Variants in GMDS observed in about 807,000 individuals in gnomAD.
The protein encoded by GMDS is GDP-mannose 4,6 dehydratase.
Under a neutral mutation model 49.9 loss-of-function variants are expected in GMDS, and 20 were observed. That is an observed-to-expected ratio of 0.40 (90% confidence interval 0.28 to 0.58). GMDS has a LOEUF of 0.58. Among genes scored for constraint, GMDS ranks in the 20% least tolerant of loss-of-function variants. The pLI is 0.42. For synonymous variants in GMDS, 177 were observed against 178.6 expected (o/e 0.99, Z 0.07); for missense variants, 362 against 481.4 (o/e 0.75, Z 2.32).
At chr6:1,999,942 AATATATAATATGTATAT>A (rs1366410965) in intron 4 of GMDS, among the ~76,000 whole-genome samples, 1 of 52,394 alleles carries the variant, frequency 1.9e-5, no homozygotes, top group African/African-American at 6.4e-5. Context: ...TATTATATAT[AATATATAATATGTATAT>A]TATATATATA....
At chr6:2,009,336 CTA>C (rs1767403696) in intron 4 of GMDS, among the ~76,000 whole-genome samples, 1 of 152,172 alleles carries the variant, frequency 6.6e-6, no homozygotes. Context: ...AAATCCCATA[CTA>C]CATCTATGAT....
intron 4 of GMDS, among the ~76,000 whole-genome samples, chr6:1,993,309 T>C (rs961597986): frequency 1.3e-5 from 2 of 152,216 alleles, no homozygotes; most frequent in Non-Finnish European, 2.9e-5. Context: ...ATCCTTCTTT[T>C]TAATCCCTCA....
At chr6:1,829,875 C>A (rs1771280413) in intron 7 of GMDS, among the ~76,000 whole-genome samples, 1 of 152,292 alleles carries the variant, frequency 6.6e-6, no homozygotes, top group East Asian at 1.9e-4. Context: ...TCAAGAATCA[C>A]CCTCTGTGTG....
intron 4 of GMDS, among the ~76,000 whole-genome samples, chr6:1,985,835 T>C (rs1162142427): frequency 1.3e-5 from 2 of 152,156 alleles, no homozygotes; most frequent in African/African-American, 2.4e-5. Context: ...AAAACCGAGA[T>C]CTTCAAGAAC....
At chr6:1,775,233 TACA>T (rs1246408938) in intron 7 of GMDS, among the ~76,000 whole-genome samples, 1 of 152,172 alleles carries the variant, frequency 6.6e-6, no homozygotes, top group South Asian at 2.1e-4. Context: ...TCTTTACTCA[TACA>T]ACATCTTCCT....
At chr6:2,059,390 T>C (rs1770985985) in intron 4 of GMDS, among the ~76,000 whole-genome samples, 7 of 151,834 alleles carry the variant, frequency 4.6e-5, no homozygotes, top group Admixed American at 4.6e-4. Flanking sequence ...TTTAGAAAAT[T>C]ATTCACTTAT....
intron 1 of GMDS, among the ~76,000 whole-genome samples, chr6:2,181,736 CAT>C (rs1402616814): frequency 6.6e-6 from 1 of 152,128 alleles, no homozygotes; most frequent in Non-Finnish European, 1.5e-5. Flanking sequence ...CGGAAAATGT[CAT>C]GTGTGTTCTG....
At chr6:1,848,352 T>G (rs1270973393) in intron 7 of GMDS, among the ~76,000 whole-genome samples, 4 of 152,152 alleles carry the variant, frequency 2.6e-5, no homozygotes, top group Admixed American at 2.0e-4. Flanking sequence ...TTATCCTTCA[T>G]GCTCAGCTCA....
intron 4 of GMDS, among the ~76,000 whole-genome samples, chr6:2,099,800 C>T (rs1345028822): frequency 6.6e-6 from 1 of 151,936 alleles, no homozygotes; most frequent in Non-Finnish European, 1.5e-5. Context: ...TTGAGAAAAA[C>T]CATTATATGC....
intron 1 of GMDS, among the ~76,000 whole-genome samples, chr6:2,174,289 G>A (rs929785225): frequency 2.0e-5 from 3 of 152,184 alleles, no homozygotes; most frequent in Non-Finnish European, 4.4e-5. Flanking sequence ...AAGGATAAGA[G>A]AATGTTTGAA....
chr6:1,964,334 C>T (rs923242560), intron 4 of GMDS, among the ~76,000 whole-genome samples: 3 of 152,106 alleles, frequency 2.0e-5, no homozygotes, highest in Non-Finnish European at 4.4e-5. Flanking sequence ...TATAGACATG[C>T]CGCCTAAACA....
chr6:2,058,711 C>T (rs9501792), intron 4 of GMDS, among the ~76,000 whole-genome samples: 4,319 of 152,256 alleles, frequency 0.028, 205 homozygotes, highest in African/African-American at 0.097. Flanking sequence ...GGAGTCAAGA[C>T]AGAAGAATCT....
At chr6:1,646,039 T>C (rs990930455) in intron 9 of GMDS, among the ~76,000 whole-genome samples, 2 of 152,220 alleles carry the variant, frequency 1.3e-5, no homozygotes, top group African/African-American at 4.8e-5. Context: ...TCAAGGGATG[T>C]TTAAAACTGA....
At chr6:2,115,708 A>G in intron 4 of GMDS, 63 bp downstream of exon 4, 1 of 841,426 alleles carries the variant, frequency 1.2e-6, no homozygotes, top group Non-Finnish European at 2.1e-6. Context: ...GAAGCAGCAG[A>G]CACAAGTAAA....
At chr6:2,039,074 G>C (rs1483024284) in intron 4 of GMDS, among the ~76,000 whole-genome samples, 1 of 152,174 alleles carries the variant, frequency 6.6e-6, no homozygotes, top group African/African-American at 2.4e-5. Context: ...CTGTATGGTA[G>C]AGCCTATTGC....
At chr6:1,980,561 G>A (rs1765167093) in intron 4 of GMDS, among the ~76,000 whole-genome samples, 1 of 152,094 alleles carries the variant, frequency 6.6e-6, no homozygotes, top group African/African-American at 2.4e-5. Context: ...CAAGTTCTTA[G>A]AGACCTTCAA....
intron 7 of GMDS, among the ~76,000 whole-genome samples, chr6:1,837,884 G>T (rs1283929424): frequency 1.3e-5 from 2 of 152,122 alleles, no homozygotes; most frequent in African/African-American, 2.4e-5. Flanking sequence ...GGCCTCACAG[G>T]GAGCAGACAG....
chr6:2,204,071 G>GC (rs1779675961), intron 1 of GMDS, among the ~76,000 whole-genome samples: 2 of 152,280 alleles, frequency 1.3e-5, no homozygotes, highest in African/African-American at 4.8e-5. Context: ...TACAAAACTA[G>GC]CATCCTAGTT....
At chr6:1,703,760 C>T (rs1362934892) in intron 9 of GMDS, among the ~76,000 whole-genome samples, 1 of 152,244 alleles carries the variant, frequency 6.6e-6, no homozygotes, top group Non-Finnish European at 1.5e-5. Context: ...CCCCATGGCA[C>T]AGGCTTGGTT....
Sources: allele counts gnomAD v4.1 joint callset (sites outside exome capture counted in the v4.1 genomes callset), GRCh38; gene constraint gnomAD v4.1.1; transcripts MANE v1.5; gene names NCBI Gene and HGNC (gene_info 2026-07-23, HGNC 2026-07-21).